Variants in PGM5 observed in about 807,000 individuals in gnomAD.
The protein encoded by PGM5 is phosphoglucomutase-like protein 5.
Under a neutral mutation model 59.2 loss-of-function variants are expected in PGM5, and 23 were observed. The observed-to-expected ratio is 0.39, with a 90% CI of 0.28 to 0.55. The LOEUF (loss-of-function observed/expected upper bound fraction) is 0.55, where lower values mean the gene tolerates loss of function less well. Ranked by LOEUF, PGM5 falls within the 20% of genes least tolerant of loss-of-function variation. The pLI is 0.66. For synonymous variants in PGM5, 214 were observed against 286.0 expected (o/e 0.75, Z 2.54); for missense variants, 574 against 748.3 (o/e 0.77, Z 2.72).
At chr9:68,381,633 TACACATGCACAC>T (rs1414996288) in intron 2 of PGM5, among the ~76,000 whole-genome samples, 3 of 130,026 alleles carry the variant, frequency 2.3e-5, no homozygotes, top group Admixed American at 7.3e-5. Flanking sequence ...CTAAAGATTC[TACACATGCACAC>T]ACACACACAC....
At chr9:68,515,182 G>A (rs563324318) in intron 10 of PGM5, among the ~76,000 whole-genome samples, 25 of 152,300 alleles carry the variant, frequency 1.6e-4, no homozygotes, top group African/African-American at 5.1e-4. Context: ...TGAGTCTAAA[G>A]GCAAAGGCCA....
At position 68,462,648 on chromosome 9, in the gene PGM5, C is replaced by T. The variant is rs11142524; in HGVS notation, c.1044-2445C>T. ...CAGACCTGCCAACTTGGCTTTGAAC[C>T]TACAAGAATGTTTTGGTCAGAGAAC... On this transcript the variant is annotated intron_variant, in intron 6 of 10. Transcript: ENST00000396396. Among the ~76,000 whole-genome samples the T allele has an allele frequency of 7.4e-3, 1,126 of 152,200 alleles. 5 individuals are homozygous for T. The highest frequency in any genetic ancestry group is 0.011 in the Non-Finnish European group (776 of 68,006).
chr9:68,515,832 G>A (rs535325941), intron 10 of PGM5, among the ~76,000 whole-genome samples: 54 of 152,328 alleles, frequency 3.5e-4, no homozygotes, highest in Non-Finnish European at 7.5e-4. Flanking sequence ...CCAAAGGTCA[G>A]CTTATTGGGA....
intron 1 of PGM5, 21 bp downstream of exon 1, chr9:68,357,409 C>T (rs782453490): frequency 6.5e-7 from 1 of 1,548,724 alleles, no homozygotes; most frequent in South Asian, 1.2e-5. Context: ...GGATGCCCCT[C>T]GCTTCCCGCC....
chr9:68,515,664 A>G lies in PGM5; in HGVS notation c.1615-13903A>G, dbSNP rs559302407. Reference sequence around the variant, plus strand: ...GTCACTGACCCTCTTGCTGACACAGAGAGATGTTGCCTCTGATTTGAGTGG... The same window carrying G: ...GTCACTGACCCTCTTGCTGACACAGGGAGATGTTGCCTCTGATTTGAGTGG... On this transcript the variant is annotated intron_variant, in intron 10 of 10. Transcript: ENST00000396396. 2.0e-5 allele frequency among the ~76,000 whole-genome samples: 3 copies of G among 152,338 alleles called. No homozygotes were observed. In the South Asian group the frequency reaches 6.2e-4, roughly 32 times the overall value.
rs191984541 is a variant in PGM5 at position 68,471,122 on chromosome 9, T to C, written c.1159+5914T>C. The stretch of plus-strand genomic sequence containing the variant: ...AATGAAAAGTGGTAAGAGGGAGTGT[T>C]GTGTGACACCTAAGGGTGGAGCAAA... On this transcript the variant is annotated intron_variant, in intron 7 of 10. Coordinates refer to ENST00000396396, the MANE Select transcript of PGM5 (RefSeq NM_021965.4). Among the ~76,000 whole-genome samples, 143 of 152,284 alleles carry C rather than the reference T, an allele frequency of 9.4e-4. 1 individual carries two copies. Among genetic ancestry groups the C allele is most frequent in the African/African-American group, 3.4e-3 (140 of 41,560 alleles).
In PGM5 at chr9:68,437,879, C is replaced by T. The variant is rs1350624617; in HGVS notation, c.1044-27214C>T. Among the ~76,000 whole-genome samples, 2 of 152,158 alleles carry T rather than the reference C, an allele frequency of 1.3e-5. No individual in the cohort carries two copies. Among genetic ancestry groups the T allele is most frequent in the Non-Finnish European group, 1.5e-5 (1 of 68,032 alleles). On this transcript the variant is annotated intron_variant, in intron 6 of 10. Transcript: ENST00000396396. The surrounding 1 kb of genome is among the most constrained non-coding windows in gnomAD (Gnocchi z 4.1). ...GTGGAGGCTGTTTCTAACAGCCACA[C>T]AGGCTGTCTAGTTCATCATTGTCCC... is the stretch of plus-strand genomic sequence containing the variant.
Position 68,398,856 on chromosome 9 carries a change from T to C in PGM5, c.1043+6383T>C, listed in dbSNP as rs568511329. Among the ~76,000 whole-genome samples, 465 of 152,324 alleles carry C rather than the reference T, an allele frequency of 3.1e-3. 4 individuals are homozygous for C. Among genetic ancestry groups the C allele is most frequent in the African/African-American group, 9.8e-3 (407 of 41,574 alleles). ...TTTTTGGACCTCAGGCATAGAGAGT[T>C]GAGTTAATCATACTCATCGTTGAAC... On this transcript the variant is annotated intron_variant, in intron 6 of 10. Coordinates refer to ENST00000396396, the MANE Select transcript of PGM5 (RefSeq NM_021965.4).
At chr9:68,484,233 A>G (rs1173631942) in intron 9 of PGM5, among the ~76,000 whole-genome samples, 185 bp downstream of exon 9, 1 of 152,074 alleles carries the variant, frequency 6.6e-6, no homozygotes, top group African/African-American at 2.4e-5. Context: ...AGGGTAGATT[A>G]GAACATGGGC....
intron 7 of PGM5, among the ~76,000 whole-genome samples, chr9:68,468,293 T>C (rs1389017540): frequency 6.6e-6 from 1 of 152,222 alleles, no homozygotes; most frequent in Non-Finnish European, 1.5e-5. Flanking sequence ...TATAGACTAT[T>C]GTTCCCATTC....
intron 10 of PGM5, among the ~76,000 whole-genome samples, chr9:68,508,722 G>C (rs1824696853): frequency 6.6e-6 from 1 of 152,202 alleles, no homozygotes; most frequent in African/African-American, 2.4e-5. Flanking sequence ...CAGATGGATG[G>C]GTTTGACAAG....
chr9:68,519,986 A>G (rs1033114556), intron 10 of PGM5, among the ~76,000 whole-genome samples: 143 of 151,150 alleles, frequency 9.5e-4, no homozygotes, highest in African/African-American at 3.3e-3. Context: ...GCTAATTGGG[A>G]GGCTGAGGTG....
chr9:68,406,214 T>G (rs1346711973), intron 6 of PGM5: 1 of 152,130 alleles, frequency 6.6e-6, no homozygotes, highest in African/African-American at 2.4e-5. Flanking sequence ...TTTACCTAAC[T>G]TCTCAGGGTG....
At chr9:68,401,096 C>G (rs1464896698) in intron 6 of PGM5, among the ~76,000 whole-genome samples, 1 of 7,056 alleles carries the variant, frequency 1.4e-4, no homozygotes, top group African/African-American at 2.8e-4. Context: ...TGGTAAAAAG[C>G]ATTTATGTAT....
At chr9:68,368,281 G>A (rs1834717284) in intron 1 of PGM5, among the ~76,000 whole-genome samples, 2 of 151,212 alleles carry the variant, frequency 1.3e-5, no homozygotes, top group Admixed American at 6.6e-5. Context: ...GATGGGTCAG[G>A]AGTAAGGAAT....
At chr9:68,514,511 AGAATCGCTT>A (rs1409483707) in intron 10 of PGM5, among the ~76,000 whole-genome samples, 3 of 152,158 alleles carry the variant, frequency 2.0e-5, no homozygotes, top group Non-Finnish European at 4.4e-5. Flanking sequence ...CTGAGGCAGG[AGAATCGCTT>A]GAACCTGGGA....
At chr9:68,513,886 C>T (rs181340157) in intron 10 of PGM5, among the ~76,000 whole-genome samples, 2 of 152,322 alleles carry the variant, frequency 1.3e-5, no homozygotes, top group African/African-American at 4.8e-5. Context: ...AAGCCGCTGG[C>T]TCTGACTCAT....
At chr9:68,471,970 CAAAAA>C (rs35694675) in intron 7 of PGM5, among the ~76,000 whole-genome samples, 1,719 of 128,440 alleles carry the variant, frequency 0.013, 29 homozygotes, top group African/African-American at 0.047. Context: ...GCCTTGGTGA[CAAAAA>C]AAAAAAAAAA....
chr9:68,482,304 GTCTTT>G (rs1824209141), intron 8 of PGM5, among the ~76,000 whole-genome samples: 2 of 151,996 alleles, frequency 1.3e-5, no homozygotes, highest in Non-Finnish European at 2.9e-5. Flanking sequence ...CCTTGGTTGG[GTCTTT>G]ACCTTCTCCA....
Sources: gnomAD v4.1 joint callset for allele counts (sites outside exome capture counted in the v4.1 genomes callset) on GRCh38, gnomAD v4.1.1 for gene constraint, Gnocchi (gnomAD v3.1) non-coding constraint, MANE v1.5 for transcripts, NCBI Gene and HGNC (gene_info 2026-07-23, HGNC 2026-07-21) for gene names.